The following PTPRN2 variants were observed in gnomAD, a reference collection of about 807,000 sequenced individuals.
PTPRN2 encodes the protein protein tyrosine phosphatase receptor type N2.
A neutral mutation model predicts 118.8 loss-of-function variants in PTPRN2; 74 were observed. The observed-to-expected ratio is 0.62, with a 90% confidence interval of 0.52 to 0.76. The LOEUF is 0.76. PTPRN2 is among the 30% of genes least tolerant of loss of function. The probability of loss-of-function intolerance (pLI) is 0.00; values close to 1 mark genes in which losing one functional copy is unlikely to be tolerated. For synonymous variants in PTPRN2, 641 were observed against 608.0 expected, an observed-to-expected ratio of 1.05 and a Z score of -0.80; for missense variants, 1,481 against 1,394.4, an observed-to-expected ratio of 1.06 and a Z score of -0.99.
At chr7:158,448,532 C>T (rs1485223031) in intron 2 of PTPRN2, among the ~76,000 whole-genome samples, 1 of 152,144 alleles carries the variant, frequency 6.6e-6, no homozygotes, top group African/African-American at 2.4e-5. Context: ...GGAGCTGAGT[C>T]TTCACTGGCG....
At chr7:158,416,288 C>A (rs571658354) in intron 2 of PTPRN2, among the ~76,000 whole-genome samples, 1 of 152,350 alleles carries the variant, frequency 6.6e-6, no homozygotes, top group East Asian at 1.9e-4. Context: ...CGACTGTCCT[C>A]CCTTGCAGGC....
Position 157,787,063 on chromosome 7 carries a change from ACGCGGG to A in PTPRN2, c.1789-104132_1789-104127del, listed in dbSNP as rs1369250625. Among the ~76,000 whole-genome samples the A allele has an allele frequency of 1.6e-4, 22 of 138,326 alleles. 1 individual carries two copies. The South Asian group carries it at 5.1e-3, about 32-fold the overall frequency. The allele number at this position is 138,326 out of a possible 152,430, so 90.7% of individuals were successfully genotyped here. On this transcript the variant is annotated intron_variant, in intron 12 of 22. Transcript: ENST00000389418. This position sits in a 1 kb window ranked among gnomAD's most constrained non-coding sequence, Gnocchi z 5.3. ...GCGGGGGTGGCTGCCCGGGAGGCGGACGCGGGTGCGGCGGGGGACGCGGGGGTGGCT... is the reference window on the plus strand; with the variant it reads ...GCGGGGGTGGCTGCCCGGGAGGCGGATGCGGCGGGGGACGCGGGGGTGGCT...
intron 12 of PTPRN2, among the ~76,000 whole-genome samples, chr7:157,837,139 C>T (rs981188866): frequency 3.5e-5 from 5 of 143,676 alleles, no homozygotes; most frequent in Admixed American, 6.9e-5. Context: ...GCCCACCCAT[C>T]CACACATCCG....
Position 157,674,625 on chromosome 7 carries a change from C to G in PTPRN2, c.2001+8100G>C, listed in dbSNP as rs903538518. Among the ~76,000 whole-genome samples, 1 of 152,242 alleles carries G rather than the reference C, an allele frequency of 6.6e-6. No individual in the cohort carries two copies. Among genetic ancestry groups the G allele is most frequent in the Non-Finnish European group, 1.5e-5 (1 of 68,038 alleles). On this transcript the variant is annotated intron_variant, in intron 13 of 22. Transcript: ENST00000389418. This position sits in a 1 kb window ranked among gnomAD's most constrained non-coding sequence, Gnocchi z 4.5. ...ATTTCACCACAGATAATGCCATTCA[C>G]CACAGAGGCGCATTCTCTCTCGTGC...
intron 2 of PTPRN2, among the ~76,000 whole-genome samples, chr7:158,384,549 C>T (rs184426517): frequency 5.3e-5 from 8 of 152,222 alleles, no homozygotes; most frequent in Admixed American, 2.6e-4. Flanking sequence ...AGGAAGAAGG[C>T]GCTTCAACAG....
chr7:157,898,195 G>C (rs1184598333), intron 12 of PTPRN2, among the ~76,000 whole-genome samples: 1 of 152,158 alleles, frequency 6.6e-6, no homozygotes, highest in Admixed American at 6.5e-5. Context: ...ACACACAGGG[G>C]CTTGATAGAT....
chr7:157,600,091 C>A (rs1420822689), intron 16 of PTPRN2, among the ~76,000 whole-genome samples: 1 of 97,846 alleles, frequency 1.0e-5, no homozygotes, highest in Admixed American at 9.9e-5. Flanking sequence ...ACATCTCCAC[C>A]TGCCCCTCTC....
rs1157737689 is a variant in PTPRN2, at chr7:158,071,475, GAGGTTCTCATGGTGC to G, written c.1723+9808_1723+9822del. Among the ~76,000 whole-genome samples, 79 of 135,338 alleles carry G rather than the reference GAGGTTCTCATGGTGC, an allele frequency of 5.8e-4. 1 individual carries two copies. Among genetic ancestry groups the G allele is most frequent in the African/African-American group, 1.7e-3 (55 of 31,930 alleles). 88.8% of individuals were successfully genotyped at this position (135,338 alleles called of 152,430 possible). On this transcript the variant is annotated intron_variant, in intron 11 of 22. Transcript: ENST00000389418. ...CGTGGTTGAGGTGCTCGTGGTGGTG[GAGGTTCTCATGGTGC>G]AGGTGCTCCTGGTGGAGATGCTCGT...
chr7:158,486,776 T>C (rs1821062430), intron 2 of PTPRN2, among the ~76,000 whole-genome samples: 1 of 152,188 alleles, frequency 6.6e-6, no homozygotes, highest in Admixed American at 6.5e-5. Flanking sequence ...TGTGGTAAAA[T>C]ATACGTCACA....
At chr7:158,115,257 A>G (rs1200305186) in intron 9 of PTPRN2, among the ~76,000 whole-genome samples, 2 of 152,148 alleles carry the variant, frequency 1.3e-5, no homozygotes, top group African/African-American at 4.8e-5. Context: ...GACAGAAGGG[A>G]AACAGCTGGT....
chr7:158,126,312 GCCCCC>G, intron 9 of PTPRN2, among the ~76,000 whole-genome samples: 1 of 20,508 alleles, frequency 4.9e-5, no homozygotes. Flanking sequence ...CGCCACACCA[GCCCCC>G]AGGACAGCGG....
intron 2 of PTPRN2, among the ~76,000 whole-genome samples, chr7:158,436,906 C>T (rs1334521151): frequency 1.3e-5 from 2 of 152,168 alleles, no homozygotes; most frequent in African/African-American, 4.8e-5. Flanking sequence ...TGAGGTTGAA[C>T]TAACCACACA....
rs780062067 is a variant in PTPRN2, at chr7:157,557,572, A to ACACT, written c.2903-8554_2903-8553insAGTG. On this transcript the variant is annotated intron_variant, in intron 21 of 22. Transcript: ENST00000389418. ...CACTCCCACACACACACACACACACACTCTCCTGGGCCTTCAGTGCTGAGT... is the reference window on the plus strand; with the variant it reads ...CACTCCCACACACACACACACACACACACTCTCTCCTGGGCCTTCAGTGCTGAGT... Among the ~76,000 whole-genome samples, 441 of 148,984 alleles carry ACACT rather than the reference A, an allele frequency of 3.0e-3. 3 individuals are homozygous for ACACT. Among genetic ancestry groups the ACACT allele is most frequent in the African/African-American group, 0.01 (421 of 40,358 alleles).
At chr7:157,972,872 C>T (rs13310277) in intron 11 of PTPRN2, among the ~76,000 whole-genome samples, 43 of 62,354 alleles carry the variant, frequency 6.9e-4, no homozygotes, top group South Asian at 2.4e-3. Context: ...CTCCACACCA[C>T]GAGAACAGGG....
At chr7:158,430,987 G>T (rs1445671398) in intron 2 of PTPRN2, among the ~76,000 whole-genome samples, 1 of 152,198 alleles carries the variant, frequency 6.6e-6, no homozygotes, top group Non-Finnish European at 1.5e-5. Flanking sequence ...ACTCCAGTCA[G>T]CCCTTGAGGG....
intron 3 of PTPRN2, among the ~76,000 whole-genome samples, chr7:158,279,220 A>G (rs7808519): frequency 0.022 from 3,276 of 152,310 alleles, 118 homozygotes; most frequent in African/African-American, 0.074. Context: ...TACAGAGGCT[A>G]ACTGGTCCGT....
intron 2 of PTPRN2, among the ~76,000 whole-genome samples, chr7:158,393,313 C>A (rs1453638094): frequency 6.6e-6 from 1 of 152,366 alleles, no homozygotes; most frequent in East Asian, 1.9e-4. Context: ...GTACTTAACA[C>A]GCTCTGCCAC....
chr7:157,877,587 C>T (rs1023697830), intron 12 of PTPRN2, among the ~76,000 whole-genome samples: 1 of 152,144 alleles, frequency 6.6e-6, no homozygotes, highest in African/African-American at 2.4e-5. Flanking sequence ...CTCTCTCCTC[C>T]CCTCCGTGCA....
intron 12 of PTPRN2, among the ~76,000 whole-genome samples, chr7:157,731,850 T>C (rs1430411002): frequency 2.5e-5 from 2 of 81,078 alleles, no homozygotes; most frequent in Admixed American, 1.3e-4. Flanking sequence ...TTCCGCCCCA[T>C]GCGCCCAGCA....
Sources: allele counts gnomAD v4.1 joint callset (sites outside exome capture counted in the v4.1 genomes callset), GRCh38; gene constraint gnomAD v4.1.1; non-coding constraint Gnocchi (gnomAD v3.1); transcripts MANE v1.5; gene names NCBI Gene and HGNC (gene_info 2026-07-23, HGNC 2026-07-21).